Variants in RFX7 observed in about 807,000 individuals in gnomAD.
The protein encoded by RFX7 is regulatory factor X7.
A neutral mutation model predicts 111.8 loss-of-function variants in RFX7; 26 were observed. The ratio of observed to expected loss-of-function variants is 0.23; its 90% CI spans 0.17 to 0.32. The LOEUF (loss-of-function observed/expected upper bound fraction) is 0.32, where lower values mean the gene tolerates loss of function less well. Among genes scored for constraint, RFX7 ranks in the 10% least tolerant of loss-of-function variants. The pLI is 1.00. For synonymous variants in RFX7, 624 were observed against 624.4 expected (o/e 1.00, Z 0.01); for missense variants, 1,573 against 1,772.9 (o/e 0.89, Z 2.02).
At chr15:56,219,709 G>T (rs1363056177) in intron 2 of RFX7, among the ~76,000 whole-genome samples, 2 of 152,138 alleles carry the variant, frequency 1.3e-5, no homozygotes, top group African/African-American at 4.8e-5. Flanking sequence ...TCTTTATTAT[G>T]GCTGTGTAGT....
chr15:56,240,555 C>G (rs1468091242), intron 2 of RFX7, among the ~76,000 whole-genome samples: 1 of 152,060 alleles, frequency 6.6e-6, no homozygotes, highest in Non-Finnish European at 1.5e-5. Context: ...AGGCCTACAT[C>G]ACATACTATA....
intron 3 of RFX7, among the ~76,000 whole-genome samples, chr15:56,147,927 T>C (rs2042505498): frequency 6.6e-6 from 1 of 152,190 alleles, no homozygotes; most frequent in Non-Finnish European, 1.5e-5. Context: ...TATCTGATGA[T>C]TCGAAGTGAA....
At chr15:56,187,374 C>T (rs564278649) in intron 2 of RFX7, among the ~76,000 whole-genome samples, 3 of 152,136 alleles carry the variant, frequency 2.0e-5, no homozygotes, top group Non-Finnish European at 2.9e-5. Flanking sequence ...CCACACCTGG[C>T]TAATTTTTTG....
At chr15:56,215,678 C>G (rs2043356779) in intron 2 of RFX7, among the ~76,000 whole-genome samples, 1 of 152,060 alleles carries the variant, frequency 6.6e-6, no homozygotes, top group Non-Finnish European at 1.5e-5. Context: ...ATTTGGATAC[C>G]AAGATTATAC....
chr15:56,213,372 T>C (rs1420458956), intron 2 of RFX7, among the ~76,000 whole-genome samples: 4 of 152,198 alleles, frequency 2.6e-5, no homozygotes, highest in African/African-American at 9.6e-5. Context: ...GAATAAATTA[T>C]TGATAGCTAG....
At chr15:56,142,680 A>T in intron 5 of RFX7, 98 bp downstream of exon 5, 3 of 1,065,822 alleles carry the variant, frequency 2.8e-6, no homozygotes, top group Non-Finnish European at 4.0e-6. Context: ...CCCATATACC[A>T]GCTTGATATT....
intron 2 of RFX7, among the ~76,000 whole-genome samples, chr15:56,201,095 C>T (rs575567332): frequency 3.9e-5 from 6 of 152,046 alleles, no homozygotes; most frequent in Non-Finnish European, 7.4e-5. Context: ...GGGAAGACTA[C>T]GGACTATACC....
intron 4 of RFX7, among the ~76,000 whole-genome samples, chr15:56,144,046 TA>T (rs1206906875): frequency 3.9e-5 from 6 of 152,146 alleles, no homozygotes; most frequent in African/African-American, 1.4e-4. Context: ...TGATAGTACC[TA>T]AAAAAACTCT....
chr15:56,145,101 T>G (rs1021209530), intron 3 of RFX7, among the ~76,000 whole-genome samples: 6 of 152,344 alleles, frequency 3.9e-5, no homozygotes, highest in Non-Finnish European at 7.4e-5. Flanking sequence ...AATCTACTTG[T>G]AAGATTTTCT....
At chr15:56,158,979 C>A (rs1415577892) in intron 3 of RFX7, among the ~76,000 whole-genome samples, 1 of 152,204 alleles carries the variant, frequency 6.6e-6, no homozygotes, top group Admixed American at 6.5e-5. Context: ...TGATCAACAT[C>A]TCCCCTTCCC....
At chr15:56,109,435 G>T (rs1483685050) in intron 5 of RFX7, among the ~76,000 whole-genome samples, 1 of 151,798 alleles carries the variant, frequency 6.6e-6, no homozygotes, top group African/African-American at 2.4e-5. Flanking sequence ...GCCTCCCAAA[G>T]TGCCGAGATT....
intron 5 of RFX7, among the ~76,000 whole-genome samples, chr15:56,133,560 C>T (rs184439707): frequency 2.0e-5 from 3 of 152,070 alleles, no homozygotes; most frequent in Admixed American, 6.5e-5. Flanking sequence ...AGTTTTTGTT[C>T]GGGAAATTTC....
At position 56,202,143 on chromosome 15, in the gene RFX7, G is replaced by A. The variant is rs79412171; in HGVS notation, c.162-22840C>T. On this transcript the variant is annotated intron_variant, in intron 2 of 9. Coordinates refer to ENST00000559447, the MANE Select transcript of RFX7 (RefSeq NM_022841.7). ...AGCTTTATAAAAACCTAGATAATCA[G>A]GCTTAGTCTCTGAAACCTATCACTT... 1.6e-3 allele frequency among the ~76,000 whole-genome samples: 240 copies of A among 152,180 alleles called. 1 individual carries two copies. The highest frequency in any genetic ancestry group is 5.4e-3 in the African/African-American group (225 of 41,526).
At chr15:56,134,620 T>TTTTTTTTTTTTTACTTTC in intron 5 of RFX7, among the ~76,000 whole-genome samples, 1 of 1,070 alleles carries the variant, frequency 9.3e-4, no homozygotes, top group South Asian at 0.026. Flanking sequence ...TTTACTTTCT[T>TTTTTTTTTTTTTACTTTC]TTTTTTTTTT....
chr15:56,101,145 A>AT (rs2041746591), intron 8 of RFX7, among the ~76,000 whole-genome samples: 1 of 152,210 alleles, frequency 6.6e-6, no homozygotes, highest in Non-Finnish European at 1.5e-5. Flanking sequence ...CCAGCAAAGC[A>AT]ATATATAGAA....
intron 2 of RFX7, among the ~76,000 whole-genome samples, chr15:56,189,007 T>TG (rs1389564995): frequency 6.6e-6 from 1 of 152,056 alleles, no homozygotes; most frequent in Non-Finnish European, 1.5e-5. Flanking sequence ...TTAGTAGAGA[T>TG]GGGGTTTTCC....
Position 56,149,420 on chromosome 15 carries a change from C to A in RFX7, c.196-4937G>T, listed in dbSNP as rs1567027819. Among the ~76,000 whole-genome samples, 3 of 152,294 alleles carry A rather than the reference C, an allele frequency of 2.0e-5. No individual in the cohort carries two copies. The East Asian group carries it at 5.8e-4, about 29-fold the overall frequency. ...ACATATGCAGATAAAAATGTGGAAA[C>A]AGACAGGAACAGCACCGGTCTGCAA... On this transcript the variant is annotated intron_variant, in intron 3 of 9. Coordinates refer to ENST00000559447, the MANE Select transcript of RFX7 (RefSeq NM_022841.7).
intron 2 of RFX7, among the ~76,000 whole-genome samples, chr15:56,205,071 G>A (rs1407649529): frequency 1.3e-5 from 2 of 152,162 alleles, no homozygotes; most frequent in African/African-American, 4.8e-5. Flanking sequence ...CTTGTGGAGA[G>A]CATTTCAAAA....
At position 56,168,658 on chromosome 15, in the gene RFX7, T is replaced by C. The variant is rs1043862365; in HGVS notation, c.195+10612A>G. Among the ~76,000 whole-genome samples, 5 of 151,988 alleles carry C rather than the reference T, an allele frequency of 3.3e-5. No individual in the cohort carries two copies. In the East Asian group the frequency reaches 9.8e-4, roughly 30 times the overall value. On this transcript the variant is annotated intron_variant, in intron 3 of 9. Transcript: ENST00000559447. ...CTGGTTTAGACTAGAAAACAAAAGA[T>C]GTCCTAGTTCCACTTGCAGGTAGGG...
Sources: gnomAD v4.1 joint callset for allele counts (sites outside exome capture counted in the v4.1 genomes callset) on GRCh38, gnomAD v4.1.1 for gene constraint, MANE v1.5 for transcripts, NCBI Gene and HGNC (gene_info 2026-07-23, HGNC 2026-07-21) for gene names.